Variants in TRPM7 observed in about 807,000 individuals in gnomAD.
TRPM7 encodes transient receptor potential cation channel subfamily M member 7.
Under a neutral mutation model 229.7 loss-of-function variants are expected in TRPM7, and 134 were observed. The ratio of observed to expected loss-of-function variants is 0.58; its 90% confidence interval spans 0.51 to 0.67. The LOEUF (loss-of-function observed/expected upper bound fraction) is 0.67, where lower values mean the gene tolerates loss of function less well. Ranked by LOEUF, TRPM7 falls within the 30% of genes least tolerant of loss-of-function variation. The pLI, the probability that TRPM7 is intolerant of heterozygous loss-of-function variation, is 0.00. For synonymous variants in TRPM7, 699 were observed against 715.2 expected, an observed-to-expected ratio of 0.98 and a Z score of 0.36; for missense variants, 1,901 against 2,210.0, an observed-to-expected ratio of 0.86 and a Z score of 2.80.
At chr15:50,583,618 C>T (rs1012623575) in intron 28 of TRPM7, among the ~76,000 whole-genome samples, 3 of 147,420 alleles carry the variant, frequency 2.0e-5, no homozygotes, top group Non-Finnish European at 4.5e-5. Context: ...CTCTTGTTGC[C>T]CAGGCTGGAG....
At chr15:50,683,141 G>A (rs1175391203) in intron 1 of TRPM7, among the ~76,000 whole-genome samples, 1 of 151,308 alleles carries the variant, frequency 6.6e-6, no homozygotes, top group African/African-American at 2.4e-5. Context: ...ACCCGCCTCA[G>A]TCTCTCAAAG....
intron 33 of TRPM7, among the ~76,000 whole-genome samples, 168 bp from the exon 34 acceptor site, chr15:50,575,303 C>T (rs2141507956): frequency 6.6e-6 from 1 of 152,256 alleles, no homozygotes; most frequent in Admixed American, 6.5e-5. Context: ...ATCAAGGATA[C>T]TTTCATAATA....
At chr15:50,606,910 T>C (rs999010444) in intron 20 of TRPM7, among the ~76,000 whole-genome samples, 1 of 152,148 alleles carries the variant, frequency 6.6e-6, no homozygotes, top group African/African-American at 2.4e-5. Context: ...AGAGCAAAAA[T>C]GTGAATGTTC....
intron 7 of TRPM7, among the ~76,000 whole-genome samples, chr15:50,635,853 C>T (rs1013844528): frequency 2.0e-5 from 3 of 151,366 alleles, no homozygotes; most frequent in Non-Finnish European, 2.9e-5. Flanking sequence ...GTGGCGAGTG[C>T]CTGTAATCCT....
intron 1 of TRPM7, among the ~76,000 whole-genome samples, chr15:50,678,732 A>G (rs1479924947): frequency 6.6e-6 from 1 of 152,070 alleles, no homozygotes; most frequent in African/African-American, 2.4e-5. Flanking sequence ...AAAGTTCTAT[A>G]TATTTAAAAA....
intron 1 of TRPM7, among the ~76,000 whole-genome samples, chr15:50,671,102 A>C (rs2061979354): frequency 6.6e-6 from 1 of 152,152 alleles, no homozygotes; most frequent in Non-Finnish European, 1.5e-5. Context: ...TTTTTCAAAA[A>C]TACATTGTTA....
intron 7 of TRPM7, among the ~76,000 whole-genome samples, chr15:50,635,965 C>A (rs149214930): frequency 6.7e-6 from 1 of 150,170 alleles, no homozygotes; most frequent in Non-Finnish European, 1.5e-5. Context: ...GGCGACAGTG[C>A]GAGACTCCAT....
At chr15:50,607,121 T>C (rs1488473495) in intron 20 of TRPM7, 79 bp downstream of exon 20, 4 of 1,343,964 alleles carry the variant, frequency 3.0e-6, no homozygotes, top group Non-Finnish European at 4.1e-6. Context: ...CCCCCCTACG[T>C]ATACACCCAA....
intron 31 of TRPM7, 148 bp downstream of exon 31, chr15:50,578,491 G>A (rs975678789): frequency 7.8e-6 from 4 of 515,484 alleles, no homozygotes; most frequent in African/African-American, 5.8e-5. Flanking sequence ...ACAGTAAGGA[G>A]AAAGTATATG....
intron 4 of TRPM7, among the ~76,000 whole-genome samples, chr15:50,646,926 G>A (rs759477834): frequency 1.3e-5 from 2 of 152,092 alleles, no homozygotes; most frequent in African/African-American, 2.4e-5. Context: ...ACATGCCATA[G>A]AGGTTTACAG....
intron 38 of TRPM7, among the ~76,000 whole-genome samples, chr15:50,563,472 A>AACAAGGTGGTAGCCATGAAGAC (rs1388427075): frequency 1.3e-5 from 2 of 152,232 alleles, no homozygotes; most frequent in Admixed American, 1.3e-4. Context: ...CAGTCCAGGA[A>AACAAGGTGGTAGCCATGAAGAC]ACAAGGTGGT....
At chr15:50,620,326 G>A (rs1003155377) in intron 12 of TRPM7, among the ~76,000 whole-genome samples, 1 of 145,428 alleles carries the variant, frequency 6.9e-6, no homozygotes, top group Non-Finnish European at 1.5e-5. Flanking sequence ...TTTTTTTTAA[G>A]CTCATCAGCT....
At chr15:50,565,819 ACT>A (rs776125778) in intron 38 of TRPM7, among the ~76,000 whole-genome samples, 5 of 138,312 alleles carry the variant, frequency 3.6e-5, no homozygotes, top group Non-Finnish European at 7.8e-5. Flanking sequence ...GAGACCATAA[ACT>A]CTTTTTGTTT....
At chr15:50,644,098 T>G (rs1328963268) in intron 4 of TRPM7, among the ~76,000 whole-genome samples, 5 of 152,216 alleles carry the variant, frequency 3.3e-5, no homozygotes, top group African/African-American at 1.2e-4. Context: ...TATAGATGAT[T>G]ATTTTCTTCA....
chr15:50,565,612 A>G (rs188698771), intron 38 of TRPM7, among the ~76,000 whole-genome samples: 25 of 152,324 alleles, frequency 1.6e-4, no homozygotes, highest in African/African-American at 5.8e-4. Flanking sequence ...AAACTGACAG[A>G]ACTGAAAAGC....
At chr15:50,608,807 A>C (rs75024799) in intron 19 of TRPM7, among the ~76,000 whole-genome samples, 1 of 152,314 alleles carries the variant, frequency 6.6e-6, no homozygotes, top group East Asian at 1.9e-4. Flanking sequence ...CGGGGAGTTA[A>C]GAACTCATTT....
At chr15:50,664,501 G>A (rs1253253209) in intron 1 of TRPM7, among the ~76,000 whole-genome samples, 1 of 152,088 alleles carries the variant, frequency 6.6e-6, no homozygotes, top group Non-Finnish European at 1.5e-5. Flanking sequence ...TAGGGATAGA[G>A]AAGGTTATTA....
intron 2 of TRPM7, among the ~76,000 whole-genome samples, chr15:50,661,218 G>A (rs1004695753): frequency 1.3e-5 from 2 of 151,932 alleles, no homozygotes; most frequent in African/African-American, 2.4e-5. Context: ...CTCGTGATCC[G>A]CCCACCTCAG....
intron 3 of TRPM7, among the ~76,000 whole-genome samples, chr15:50,656,279 T>C (rs12593556): frequency 1.3e-5 from 2 of 151,708 alleles, no homozygotes; most frequent in Non-Finnish European, 2.9e-5. Context: ...GGGGCAAATA[T>C]GAAAGACTGT....
Sources: allele counts gnomAD v4.1 joint callset (sites outside exome capture counted in the v4.1 genomes callset), GRCh38; gene constraint gnomAD v4.1.1; transcripts MANE v1.5; gene names NCBI Gene and HGNC (gene_info 2026-07-23, HGNC 2026-07-21).